The following NCAM1 variants were observed in gnomAD, a reference collection of about 807,000 sequenced individuals.
The protein encoded by NCAM1 is neural cell adhesion molecule 1.
In NCAM1, 14 loss-of-function variants were observed where a neutral mutation model predicts 109.8. That is an observed-to-expected ratio of 0.13 (90% confidence interval 0.08 to 0.20). NCAM1 has a LOEUF of 0.20. NCAM1 is among the 10% of genes least tolerant of loss of function. The pLI is 1.00. For synonymous variants in NCAM1, 418 were observed against 442.9 expected (o/e 0.94, Z 0.70); for missense variants, 774 against 1,109.9 (o/e 0.70, Z 4.30).
chr11:113,177,299 T>C (rs959181537), intron 1 of NCAM1, among the ~76,000 whole-genome samples: 3 of 152,182 alleles, frequency 2.0e-5, no homozygotes, highest in Admixed American at 6.5e-5. Context: ...TCCCCAATCA[T>C]GCTAGGATGC....
chr11:113,205,810 C>A, intron 4 of NCAM1, 144 bp downstream of exon 4: 1 of 1,228,582 alleles, frequency 8.1e-7, no homozygotes, highest in Non-Finnish European at 1.1e-6. Context: ...TGAATAGATG[C>A]ATATCTGAAG....
intron 1 of NCAM1, among the ~76,000 whole-genome samples, chr11:113,098,479 T>C (rs1555090853): frequency 6.6e-6 from 1 of 152,174 alleles, no homozygotes; most frequent in Admixed American, 6.5e-5. Flanking sequence ...CAAATATATT[T>C]GATCCACGGT....
intron 1 of NCAM1, among the ~76,000 whole-genome samples, chr11:113,197,699 G>C (rs1486193805): frequency 6.6e-6 from 1 of 152,170 alleles, no homozygotes; most frequent in African/African-American, 2.4e-5. Flanking sequence ...CCACGGGAGA[G>C]ACTTTGGTTC....
At chr11:112,999,492 T>A (rs1951687872) in intron 1 of NCAM1, among the ~76,000 whole-genome samples, 1 of 152,148 alleles carries the variant, frequency 6.6e-6, no homozygotes, top group African/African-American at 2.4e-5. Flanking sequence ...TTTTTTGTTT[T>A]TTAGCTCTCT....
chr11:113,273,103 A>G lies in NCAM1; in HGVS notation c.2456+1227A>G. On this transcript the variant is annotated intron_variant, in intron 19 of 19. Coordinates refer to ENST00000316851, the MANE Select transcript of NCAM1 (RefSeq NM_181351.5). The surrounding 1 kb of genome is among the most constrained non-coding windows in gnomAD (Gnocchi z 6.0). Reference sequence around the variant, plus strand: ...GCCCCGCCGGCCACGGCCACGCCTGACTCAAACTCTGTACCGGCTGGCCAG... The same window carrying G: ...GCCCCGCCGGCCACGGCCACGCCTGGCTCAAACTCTGTACCGGCTGGCCAG... 1 of 455,616 alleles carries G rather than the reference A, an allele frequency of 2.2e-6. No individual in the cohort carries two copies. The highest frequency in any genetic ancestry group is 4.4e-6 in the Non-Finnish European group (1 of 226,358). The allele number at this position is 455,616 out of a possible 1,614,324, so 28.2% of individuals were successfully genotyped here. A position where few individuals can be genotyped will look rare whatever the true frequency, so the allele number is the denominator to read the frequency against.
At chr11:113,243,454 C>T in intron 14 of NCAM1, 2 of 415,236 alleles carry the variant, frequency 4.8e-6, no homozygotes, top group South Asian at 3.5e-5. Context: ...AAGCCTAATC[C>T]AGGCTCCCCT....
chr11:113,266,490 G>A (rs1946135860), intron 17 of NCAM1, among the ~76,000 whole-genome samples: 1 of 152,108 alleles, frequency 6.6e-6, no homozygotes, highest in Non-Finnish European at 1.5e-5. Flanking sequence ...AGACAGCACA[G>A]TGCACCCTGG....
Position 113,275,507 on chromosome 11 carries a change from C to CAA in NCAM1, c.*121_*122insAA. 6 of 1,226,274 alleles carry CAA rather than the reference C, an allele frequency of 4.9e-6. No individual in the cohort carries two copies. The Middle Eastern group carries it at 5.9e-4, about 120-fold the overall frequency. 76.0% of individuals were successfully genotyped at this position (1,226,274 alleles called of 1,614,324 possible). On this transcript the variant is annotated 3_prime_UTR_variant, in exon 20 of 20. Transcript: ENST00000316851. ...ACACACAAACACACATGCACACACACACATCTCATTTCTCTAGTGTCTTTT... is the reference window on the plus strand; with the variant it reads ...ACACACAAACACACATGCACACACACAAACATCTCATTTCTCTAGTGTCTTTT...
At chr11:113,209,958 G>T (rs1200457038) in intron 7 of NCAM1, among the ~76,000 whole-genome samples, 1 of 152,164 alleles carries the variant, frequency 6.6e-6, no homozygotes, top group Non-Finnish European at 1.5e-5. Context: ...AGGCACAGAG[G>T]CAGGAAAAGC....
At chr11:113,036,712 C>A (rs1952900849) in intron 1 of NCAM1, among the ~76,000 whole-genome samples, 1 of 152,122 alleles carries the variant, frequency 6.6e-6, no homozygotes, top group Non-Finnish European at 1.5e-5. Flanking sequence ...TTCTCACTAT[C>A]CTTGCAAACC....
intron 1 of NCAM1, among the ~76,000 whole-genome samples, chr11:113,087,075 C>G (rs1277767269): frequency 6.6e-6 from 1 of 152,176 alleles, no homozygotes; most frequent in Non-Finnish European, 1.5e-5. Context: ...TTTTCTAAGG[C>G]TTAGACAAAT....
At chr11:113,004,563 C>A (rs1951845697) in intron 1 of NCAM1, among the ~76,000 whole-genome samples, 1 of 151,818 alleles carries the variant, frequency 6.6e-6, no homozygotes, top group Admixed American at 6.6e-5. Context: ...TTGAAGTTGT[C>A]ATTTCCTTGT....
chr11:113,270,162 C>T (rs782627105), intron 17 of NCAM1, 26 bp from the exon 18 acceptor site: 2 of 1,612,188 alleles, frequency 1.2e-6, no homozygotes, highest in Admixed American at 1.7e-5. Flanking sequence ...GTCTGTTAAC[C>T]ACCAGCCATC....
chr11:113,101,959 T>A (rs1565437177), intron 1 of NCAM1, among the ~76,000 whole-genome samples: 1 of 152,248 alleles, frequency 6.6e-6, no homozygotes, highest in Non-Finnish European at 1.5e-5. Context: ...CATGATGTTC[T>A]GTTAGTTTTT....
intron 1 of NCAM1, among the ~76,000 whole-genome samples, chr11:113,173,503 G>A (rs1943051426): frequency 6.6e-6 from 1 of 150,570 alleles, no homozygotes; most frequent in African/African-American, 2.4e-5. Flanking sequence ...TGTTTTAATA[G>A]CAGCAGTTTA....
chr11:113,166,604 G>T (rs532850470), intron 1 of NCAM1, among the ~76,000 whole-genome samples: 5 of 152,298 alleles, frequency 3.3e-5, no homozygotes, highest in African/African-American at 9.6e-5. Context: ...ATATTGGTGG[G>T]AGATGTTATT....
chr11:113,068,496 C>G (rs1565416800), intron 1 of NCAM1, among the ~76,000 whole-genome samples: 1 of 152,172 alleles, frequency 6.6e-6, no homozygotes. Flanking sequence ...ATATTAATGT[C>G]TTGGAGAATA....
intron 1 of NCAM1, among the ~76,000 whole-genome samples, chr11:113,114,728 G>A (rs1030083273): frequency 1.3e-5 from 2 of 151,712 alleles, no homozygotes; most frequent in East Asian, 3.9e-4. Context: ...CCTGTGTGGC[G>A]CAGCTTTCTA....
chr11:113,069,703 T>C (rs1479243917), intron 1 of NCAM1, among the ~76,000 whole-genome samples: 1 of 152,086 alleles, frequency 6.6e-6, no homozygotes, highest in African/African-American at 2.4e-5. Flanking sequence ...GCTATGGAGA[T>C]GGAGAGGTGA....
Sources: gnomAD v4.1 joint callset for allele counts (sites outside exome capture counted in the v4.1 genomes callset) on GRCh38, gnomAD v4.1.1 for gene constraint, Gnocchi (gnomAD v3.1) non-coding constraint, MANE v1.5 for transcripts, NCBI Gene and HGNC (gene_info 2026-07-23, HGNC 2026-07-21) for gene names.